LIAT1: variants seen among roughly 807,000 people sequenced by gnomAD.
LIAT1 encodes the protein protein LIAT1.
At chr17:412,574 T>TA in the LIAT1 span, among the ~76,000 whole-genome samples, 5,474 of 148,784 alleles carry the variant, frequency 0.037, 311 homozygotes, top group African/African-American at 0.12. Context: ...CTATTGATGT[T>TA]AAAAAAAAAA....
the LIAT1 span, chr17:413,914 C>G: frequency 3.7e-6 from 6 of 1,608,640 alleles, no homozygotes; most frequent in Non-Finnish European, 5.1e-6. Context: ...GCTTCCACCC[C>G]GACCCCGAGG....
chr17:414,020 C>T, the LIAT1 span: 3 of 1,614,242 alleles, frequency 1.9e-6, no homozygotes, highest in African/African-American at 2.7e-5. This position sits in a 1 kb window ranked among gnomAD's most constrained non-coding sequence, Gnocchi z 4.1. Context: ...CCACAGGCAG[C>T]CCACGTCGAA....
chr17:410,603 G>A, the LIAT1 span: 129 of 1,544,638 alleles, frequency 8.4e-5, 1 homozygote, highest in Middle Eastern at 8.4e-4. Context: ...AGGTGAAGAA[G>A]AAAAAAAGGA....
At chr17:412,285 G>A in the LIAT1 span, among the ~76,000 whole-genome samples, 2 of 151,578 alleles carry the variant, frequency 1.3e-5, no homozygotes, top group Non-Finnish European at 2.9e-5. Context: ...CTGGGTGGCA[G>A]AGTGAGACTC....
chr17:412,834 A>C, the LIAT1 span, among the ~76,000 whole-genome samples: 7 of 152,126 alleles, frequency 4.6e-5, no homozygotes, highest in African/African-American at 1.7e-4. Context: ...CAGCTCTGCC[A>C]CTCGCTCATG....
At chr17:413,068 C>G in the LIAT1 span, 1 of 1,530,722 alleles carries the variant, frequency 6.5e-7, no homozygotes, top group African/African-American at 1.4e-5. Flanking sequence ...CCTCTTCCAT[C>G]TTGGGTGATT....
chr17:414,199 G>A, the LIAT1 span: 1 of 1,468,992 alleles, frequency 6.8e-7, no homozygotes, highest in Non-Finnish European at 9.2e-7. The surrounding 1 kb of genome is among the most constrained non-coding windows in gnomAD (Gnocchi z 4.1). Context: ...AAAAGGAAAT[G>A]AGACCCGTAT....
the LIAT1 span, chr17:413,491 C>A: frequency 4.7e-6 from 7 of 1,497,160 alleles, no homozygotes; most frequent in Non-Finnish European, 6.3e-6. Flanking sequence ...AGGGCTTCCA[C>A]CCCGACCCCG....
the LIAT1 span, chr17:413,079 T>C: frequency 6.4e-7 from 1 of 1,554,750 alleles, no homozygotes; most frequent in Non-Finnish European, 8.7e-7. Flanking sequence ...TTGGGTGATT[T>C]TGGCACCATC....
chr17:414,020 C>G, the LIAT1 span: 1 of 1,614,242 alleles, frequency 6.2e-7, no homozygotes, highest in Non-Finnish European at 8.5e-7. The surrounding 1 kb of genome is among the most constrained non-coding windows in gnomAD (Gnocchi z 4.1). Context: ...CCACAGGCAG[C>G]CCACGTCGAA....
the LIAT1 span, chr17:410,665 C>A: frequency 6.5e-7 from 1 of 1,536,080 alleles, no homozygotes; most frequent in Non-Finnish European, 8.7e-7. Flanking sequence ...AGCAGCTAGC[C>A]CGGCTGCGTC....
chr17:410,456 C>T, the LIAT1 span: 1 of 1,540,232 alleles, frequency 6.5e-7, no homozygotes, highest in Non-Finnish European at 8.7e-7. Flanking sequence ...GGCGGCTGGA[C>T]CGCCGCGGTG....
the LIAT1 span, among the ~76,000 whole-genome samples, chr17:412,454 G>A: frequency 3.9e-5 from 6 of 152,074 alleles, no homozygotes; most frequent in Non-Finnish European, 8.8e-5. Context: ...AGCAAGGGAG[G>A]GAAATGTCAA....
the LIAT1 span, chr17:414,115 A>G: frequency 6.2e-7 from 1 of 1,610,090 alleles, no homozygotes; most frequent in Non-Finnish European, 8.5e-7. The surrounding 1 kb of genome is among the most constrained non-coding windows in gnomAD (Gnocchi z 4.1). Context: ...TGCTGGAGTG[A>G]AAATCTACCC....
chr17:413,128 C>A, the LIAT1 span: 1 of 1,610,680 alleles, frequency 6.2e-7, no homozygotes. Context: ...CAAACACTAA[C>A]CTGCTCATCT....
chr17:410,650 A>G, the LIAT1 span: 4 of 1,538,932 alleles, frequency 2.6e-6, no homozygotes, highest in East Asian at 7.3e-5. Flanking sequence ...GGGGACGGTA[A>G]GAGGAGCAGC....
chr17:412,993 G>A, the LIAT1 span: 1 of 726,398 alleles, frequency 1.4e-6, no homozygotes, highest in Non-Finnish European at 2.3e-6. Context: ...AATCACACAG[G>A]CAGGTGGGCA....
At chr17:413,506 C>G in the LIAT1 span, 2 of 1,491,142 alleles carry the variant, frequency 1.3e-6, no homozygotes, top group African/African-American at 1.6e-5. Flanking sequence ...ACCCCGACGC[C>G]CTCAAGGGCT....
the LIAT1 span, among the ~76,000 whole-genome samples, chr17:412,937 G>A: frequency 3.3e-5 from 5 of 152,238 alleles, no homozygotes; most frequent in Non-Finnish European, 7.3e-5. Flanking sequence ...GGCTCAGACT[G>A]TGTGCTCAAT....
Sources: gnomAD v4.1 joint callset for allele counts (sites outside exome capture counted in the v4.1 genomes callset) on GRCh38, gnomAD v4.1.1 for gene constraint, Gnocchi (gnomAD v3.1) non-coding constraint, MANE v1.5 for transcripts, NCBI Gene and HGNC (gene_info 2026-07-23, HGNC 2026-07-21) for gene names.